The following EVI5L variants were observed in gnomAD, a reference collection of about 807,000 sequenced individuals.
EVI5L encodes ecotropic viral integration site 5 like.
Under a neutral mutation model 106.1 loss-of-function variants are expected in EVI5L, and 30 were observed. That is an observed-to-expected ratio of 0.28 (90% CI 0.21 to 0.38). The LOEUF (loss-of-function observed/expected upper bound fraction) is 0.38, where lower values mean the gene tolerates loss of function less well. Among genes scored for constraint, EVI5L ranks in the 10% least tolerant of loss-of-function variants. EVI5L has a pLI of 1.00. For missense variants in EVI5L, 809 were observed against 1,098.0 expected (o/e 0.74, Z 3.72); for synonymous variants, 489 against 483.3 (o/e 1.01, Z -0.15).
rs762157635 is a variant in EVI5L at position 7,848,955 on chromosome 19, G to A, written c.362G>A (p.Arg121Gln). ...CGCAAGGGCATCCCCCACCACTTCC[G>A]GGCCATCGTGTGGCAGCTTCTGTGC... ...LIRKGIPHHF[R>Q]AIVWQLLCSA... is the part of the protein sequence containing the mutation. Residue 121 changes from arginine (R) to glutamine (Q), a missense_variant, in exon 4 of 20, where the codon CGG becomes CAG. Coordinates refer to ENST00000538904, the MANE Select transcript of EVI5L (RefSeq NM_001159944.3). The surrounding 1 kb of genome is among the most constrained non-coding windows in gnomAD (Gnocchi z 4.8). The A allele has an allele frequency of 1.2e-6, 2 of 1,612,882 alleles. No individual in the cohort carries two copies.
At chr19:7,861,775 C>A in intron 14 of EVI5L, 103 bp from the exon 15 acceptor site, 1 of 1,462,566 alleles carries the variant, frequency 6.8e-7, no homozygotes, top group Non-Finnish European at 9.1e-7. Flanking sequence ...CTGAGCCGCC[C>A]AAGGCAGAGC....
Position 7,855,690 on chromosome 19 carries a change from T to G in EVI5L, c.1147-325T>G, listed in dbSNP as rs144849845. Among the ~76,000 whole-genome samples, 674 of 152,338 alleles carry G rather than the reference T, an allele frequency of 4.4e-3. 4 individuals carry two copies. The highest frequency in any genetic ancestry group is 0.01 in the Middle Eastern group (3 of 294). On this transcript the variant is annotated intron_variant, in intron 10 of 19. Transcript: ENST00000538904. ...GATTCCCGCACAACCCTTGGCAGAC[T>G]GACCCACGTGTGGGAAGGAGTCTTC...
rs766037525 is a variant in EVI5L, at chr19:7,846,617, T to G, written c.75T>G (p.Ser25=). Residue 25 remains serine (S), a synonymous_variant, in exon 2 of 20, where the codon TCT becomes TCG. Transcript: ENST00000538904. Reference sequence around the variant, plus strand: ...CGGCCCCCACCTGCTCCCCAACCTCTGACTCCGAGAACCTCAGCCCCGATG... The same window carrying G: ...CGGCCCCCACCTGCTCCCCAACCTCGGACTCCGAGAACCTCAGCCCCGATG... The part of the protein sequence containing the change: ...ALSAPTCSPT[S]DSENLSPDEL... 3 of 1,613,800 alleles carry G rather than the reference T, an allele frequency of 1.9e-6. No individual in the cohort carries two copies. The highest frequency in any genetic ancestry group is 4.5e-5 in the East Asian group (2 of 44,882).
Position 7,846,491 on chromosome 19 carries a change from C to T in EVI5L, c.-47-5C>T, listed in dbSNP as rs993562099. 1.3e-6 allele frequency: 2 copies of T among 1,559,510 alleles called. No homozygotes were observed. Among genetic ancestry groups the T allele is most frequent in the Non-Finnish European group, 1.7e-6 (2 of 1,152,672 alleles). On this transcript the variant is annotated splice_polypyrimidine_tract_variant and splice_region_variant and intron_variant, in intron 1 of 19. Coordinates refer to ENST00000538904, the MANE Select transcript of EVI5L (RefSeq NM_001159944.3). ...ATGCCGACCACGCATGTCTCTGGCCCCCAGACAGAGCTGTGAACCAACCCC... is the reference window on the plus strand; with the variant it reads ...ATGCCGACCACGCATGTCTCTGGCCTCCAGACAGAGCTGTGAACCAACCCC...
chr19:7,862,296 C>A lies in EVI5L; in HGVS notation c.1800+19C>A. ...GACGCAGGTGGACTCGGGGGGCCTG[C>A]TCGTTGGGGAAGGGGCGTGGTGTCC... is the stretch of plus-strand genomic sequence containing the variant. On this transcript the variant is annotated intron_variant, in intron 16 of 19. Transcript: ENST00000538904. The A allele has an allele frequency of 6.3e-7, 1 of 1,583,568 alleles. No individual in the cohort carries two copies. The highest frequency in any genetic ancestry group is 8.6e-7 in the Non-Finnish European group (1 of 1,164,974).
rs368675151 is a variant in EVI5L at position 7,864,642 on chromosome 19, G to C, written c.*940G>C. Reference sequence around the variant, plus strand: ...TCTCTGCTGAATCAGAGCTGAGAACGGTGCCAAAATCCAACGATGCCCCCC... The same window carrying C: ...TCTCTGCTGAATCAGAGCTGAGAACCGTGCCAAAATCCAACGATGCCCCCC... On this transcript the variant is annotated 3_prime_UTR_variant, in exon 20 of 20. Coordinates refer to ENST00000538904, the MANE Select transcript of EVI5L (RefSeq NM_001159944.3). The surrounding 1 kb of genome is among the most constrained non-coding windows in gnomAD (Gnocchi z 4.5). 2.6e-5 allele frequency: 4 copies of C among 152,310 alleles called. No homozygotes were observed. The highest frequency in any genetic ancestry group is 4.4e-5 in the Non-Finnish European group (3 of 68,042). The allele number at this position is 152,310 out of a possible 1,614,324, so 9.4% of individuals were successfully genotyped here. A position where few individuals can be genotyped will look rare whatever the true frequency, so the allele number is the denominator to read the frequency against.
Position 7,862,139 on chromosome 19 carries a change from C to T in EVI5L, c.1662C>T (p.Gly554=), listed in dbSNP as rs1979832107. 6 of 1,571,032 alleles carry T rather than the reference C, an allele frequency of 3.8e-6. No homozygotes were observed. The highest frequency in any genetic ancestry group is 1.9e-5 in the Admixed American group (1 of 53,204). Residue 554 remains glycine (G), a synonymous_variant, in exon 16 of 20, where the codon GGC becomes GGT. Transcript: ENST00000538904. ...CCCCCCAGGCCCATCTGGCCCGCGG[C>T]GGCCGCTGGAAGGAGTCCCCACGGA... ...SDTWQAHLAR[G]GRWKESPRKL...
chr19:7,845,930 C>G lies in EVI5L; in HGVS notation c.-47-566C>G, dbSNP rs1036418292. 6.6e-6 allele frequency among the ~76,000 whole-genome samples: 1 copy of G among 152,242 alleles called. No individual in the cohort carries two copies. The stretch of plus-strand genomic sequence containing the variant: ...CTTCTCAACCCAAGGGGAGTCGACT[C>G]TTCTGGCCATTGGCAGCGCCAGACA... On this transcript the variant is annotated intron_variant, in intron 1 of 19. Transcript: ENST00000538904. The surrounding 1 kb of genome is among the most constrained non-coding windows in gnomAD (Gnocchi z 4.0).
rs945115152 is a variant in EVI5L, at chr19:7,861,889, G to T, written c.1515G>T (p.Ser505=). The T allele has an allele frequency of 3.2e-6, 5 of 1,550,956 alleles. No individual in the cohort carries two copies. The Admixed American group carries it at 7.8e-5, about 24-fold the overall frequency. Residue 505 remains serine, a synonymous_variant, in exon 15 of 20, where the codon TCG becomes TCT. Coordinates refer to ENST00000538904, the MANE Select transcript of EVI5L (RefSeq NM_001159944.3). ...CACTCTTCCCGCAGAGGAACAGCTC[G>T]CTGCCCGACGAGAACAATGTGGCGC... ...KVLDMEKRNS[S]LPDENNVAQL...
At chr19:7,852,149 G>T (rs1321188680) in intron 8 of EVI5L, among the ~76,000 whole-genome samples, 1 of 152,224 alleles carries the variant, frequency 6.6e-6, no homozygotes, top group Non-Finnish European at 1.5e-5. Flanking sequence ...GGGCACAGGA[G>T]GGAGTTTGGG....
intron 1 of EVI5L, among the ~76,000 whole-genome samples, chr19:7,833,589 C>T (rs375783685): frequency 6.6e-6 from 1 of 152,206 alleles, no homozygotes; most frequent in Non-Finnish European, 1.5e-5. Context: ...CACAGGCAGG[C>T]GTGGCAGGGA....
intron 1 of EVI5L, among the ~76,000 whole-genome samples, chr19:7,837,574 C>T (rs552425569): frequency 1.0e-3 from 153 of 152,284 alleles, no homozygotes; most frequent in African/African-American, 3.5e-3. Flanking sequence ...AACCTTCTTC[C>T]ATCCCAGGAT....
chr19:7,856,962 C>A lies in EVI5L; in HGVS notation c.1201-130C>A. 1 of 950,494 alleles carries A rather than the reference C, an allele frequency of 1.1e-6. No homozygotes were observed. The highest frequency in any genetic ancestry group is 1.7e-6 in the Non-Finnish European group (1 of 604,788). 58.9% of individuals were successfully genotyped at this position (950,494 alleles called of 1,614,324 possible). On this transcript the variant is annotated intron_variant, in intron 11 of 19. Transcript: ENST00000538904. The surrounding 1 kb of genome is among the most constrained non-coding windows in gnomAD (Gnocchi z 6.6). ...TGCTGGTTCTCTGGTCTTCCCTCCT[C>A]TCTCCCCCGCTTCTAGAGATAGTCC...
At chr19:7,855,671 C>T (rs980303517) in intron 10 of EVI5L, among the ~76,000 whole-genome samples, 4 of 152,184 alleles carry the variant, frequency 2.6e-5, no homozygotes, top group Admixed American at 6.5e-5. Context: ...CACTGATTCC[C>T]GCACAACCCT....
rs765705072 is a variant in EVI5L, at chr19:7,848,887, G to A, written c.328-34G>A. The A allele has an allele frequency of 2.3e-5, 37 of 1,591,672 alleles. No individual in the cohort carries two copies. The East Asian group carries it at 2.9e-4, about 13-fold the overall frequency. On this transcript the variant is annotated intron_variant, in intron 3 of 19. Transcript: ENST00000538904. The surrounding 1 kb of genome is among the most constrained non-coding windows in gnomAD (Gnocchi z 4.8). ...GCCACGGGGAGGCTGCGCTGGGACC[G>A]AGTCCAGCCCCCGCTTCCCGCTCCC...
chr19:7,847,934 C>T lies in EVI5L; in HGVS notation c.327+13C>T, dbSNP rs185612344. 685 of 1,533,644 alleles carry T rather than the reference C, an allele frequency of 4.5e-4. 4 individuals carry two copies. In the African/African-American group the frequency reaches 8.6e-3, roughly 19 times the overall value. The stretch of plus-strand genomic sequence containing the variant: ...GAAGCTGCTCAAGGTGGGGGGCGGC[C>T]AGGCAGGCAGGGCTGGGCCGACGGC... On this transcript the variant is annotated intron_variant, in intron 3 of 19. Coordinates refer to ENST00000538904, the MANE Select transcript of EVI5L (RefSeq NM_001159944.3).
At chr19:7,851,929 C>T (rs1448470621) in intron 8 of EVI5L, among the ~76,000 whole-genome samples, 159 bp downstream of exon 8, 1 of 152,152 alleles carries the variant, frequency 6.6e-6, no homozygotes, top group Non-Finnish European at 1.5e-5. Flanking sequence ...CCCCTGAGGT[C>T]TCCCTAAGGG....
At chr19:7,840,250 G>C (rs563002792) in intron 1 of EVI5L, among the ~76,000 whole-genome samples, 2 of 152,204 alleles carry the variant, frequency 1.3e-5, no homozygotes, top group Non-Finnish European at 2.9e-5. Context: ...AGACCCAGAC[G>C]AGTGAATCAC....
Position 7,848,841 on chromosome 19 carries a change from C to T in EVI5L, c.328-80C>T. The T allele has an allele frequency of 7.2e-7, 1 of 1,395,582 alleles. No individual in the cohort carries two copies. The highest frequency in any genetic ancestry group is 9.9e-7 in the Non-Finnish European group (1 of 1,010,304). 86.4% of individuals were successfully genotyped at this position (1,395,582 alleles called of 1,614,324 possible). A position where few individuals can be genotyped will look rare whatever the true frequency, so the allele number is the denominator to read the frequency against. ...ATGCTTGAGGCCTGGATGAGCCACG[C>T]CTGAGGAGCTGGGCTGGGTGGCCAC... On this transcript the variant is annotated intron_variant, in intron 3 of 19. Coordinates refer to ENST00000538904, the MANE Select transcript of EVI5L (RefSeq NM_001159944.3). This position sits in a 1 kb window ranked among gnomAD's most constrained non-coding sequence, Gnocchi z 4.8.
Sources: allele counts gnomAD v4.1 joint callset (sites outside exome capture counted in the v4.1 genomes callset), GRCh38; gene constraint gnomAD v4.1.1; non-coding constraint Gnocchi (gnomAD v3.1); transcripts MANE v1.5; gene names NCBI Gene and HGNC (gene_info 2026-07-23, HGNC 2026-07-21).